CLYBL: variants seen among roughly 807,000 people sequenced by gnomAD.
CLYBL encodes citramalyl-CoA lyase.
In CLYBL, 31 loss-of-function variants were observed where a neutral mutation model predicts 38.9. That is an observed-to-expected ratio of 0.80 (90% CI 0.60 to 1.08). The LOEUF (loss-of-function observed/expected upper bound fraction) is 1.08. Among genes scored for constraint, CLYBL ranks in the 50% least tolerant of loss-of-function variants. CLYBL has a pLI of 0.00. For synonymous variants in CLYBL, 171 were observed against 158.6 expected (o/e 1.08, Z -0.59); for missense variants, 434 against 411.6 (o/e 1.05, Z -0.47).
At chr13:99,715,926 T>C (rs139176029) in intron 1 of CLYBL, among the ~76,000 whole-genome samples, 44 of 152,270 alleles carry the variant, frequency 2.9e-4, no homozygotes, top group African/African-American at 9.9e-4. Context: ...TGTGGATTTA[T>C]ACTCCTCCCC....
chr13:99,737,146 A>T (rs1316976933), intron 1 of CLYBL, among the ~76,000 whole-genome samples: 1 of 134,556 alleles, frequency 7.4e-6, no homozygotes, highest in South Asian at 2.3e-4. Flanking sequence ...GAGAGTTGAT[A>T]CAAATCCATC....
intron 2 of CLYBL, among the ~76,000 whole-genome samples, chr13:99,821,355 G>C (rs1023584842): frequency 6.6e-6 from 1 of 152,150 alleles, no homozygotes; most frequent in Admixed American, 6.5e-5. Flanking sequence ...AACCGTGCCT[G>C]GCATTTAGTT....
intron 2 of CLYBL, among the ~76,000 whole-genome samples, chr13:99,793,784 T>C (rs2049966654): frequency 6.6e-6 from 1 of 151,728 alleles, no homozygotes; most frequent in Non-Finnish European, 1.5e-5. Flanking sequence ...AGGAATCCAA[T>C]TAAGTAAGAC....
chr13:99,707,609 G>T (rs2048166207), intron 1 of CLYBL, among the ~76,000 whole-genome samples: 1 of 152,078 alleles, frequency 6.6e-6, no homozygotes, highest in Non-Finnish European at 1.5e-5. Flanking sequence ...ACAATGATAT[G>T]TTTTATAATA....
chr13:99,680,612 C>T (rs1755767823), intron 1 of CLYBL, among the ~76,000 whole-genome samples: 1 of 152,184 alleles, frequency 6.6e-6, no homozygotes, highest in African/African-American at 2.4e-5. Flanking sequence ...TGTTTTATAC[C>T]TAAGTGAGAC....
At position 99,620,836 on chromosome 13, in the gene CLYBL, GAAAA is replaced by G. The variant is rs367809646; in HGVS notation, c.62+14081_62+14084del. ...AGAGAGAGAGAGAGAAAGAAAGAAA[GAAAA>G]AGAAAGAAAGAAAAAAGAAAGAAAA... On this transcript the variant is annotated intron_variant, in intron 1 of 8. Coordinates refer to ENST00000339105, the MANE Select transcript of CLYBL (RefSeq NM_206808.5). Among the ~76,000 whole-genome samples the G allele has an allele frequency of 2.6e-5, 3 of 117,378 alleles. No individual in the cohort carries two copies. In the South Asian group the frequency reaches 6.7e-4, roughly 26 times the overall value. 77.0% of individuals were successfully genotyped at this position (117,378 alleles called of 152,430 possible). A position where few individuals can be genotyped will look rare whatever the true frequency, so the allele number is the denominator to read the frequency against.
At chr13:99,868,312 T>C (rs1469666245) in intron 6 of CLYBL, among the ~76,000 whole-genome samples, 1 of 152,222 alleles carries the variant, frequency 6.6e-6, no homozygotes, top group Non-Finnish European at 1.5e-5. Flanking sequence ...TAAATGTTTT[T>C]TAATGAGTAC....
chr13:99,637,219 C>A (rs905348179), intron 1 of CLYBL, among the ~76,000 whole-genome samples: 3 of 152,086 alleles, frequency 2.0e-5, no homozygotes, highest in Non-Finnish European at 4.4e-5. Context: ...TAGAGGCTAC[C>A]CAGTTTGCCA....
intron 1 of CLYBL, among the ~76,000 whole-genome samples, chr13:99,704,199 A>G (rs1387379542): frequency 6.6e-6 from 1 of 152,238 alleles, no homozygotes; most frequent in African/African-American, 2.4e-5. Context: ...CCAAGCCTTC[A>G]GATATCTTTT....
chr13:99,666,537 C>T (rs370957406), intron 1 of CLYBL, among the ~76,000 whole-genome samples: 3 of 152,002 alleles, frequency 2.0e-5, no homozygotes, highest in African/African-American at 4.8e-5. Context: ...ATTGTTATTT[C>T]GAGCCAGTCA....
intron 1 of CLYBL, among the ~76,000 whole-genome samples, chr13:99,753,859 C>T (rs955849525): frequency 3.3e-5 from 5 of 150,828 alleles, no homozygotes; most frequent in African/African-American, 4.9e-5. Context: ...GAGGCCGAGA[C>T]GGGCGGATCA....
intron 2 of CLYBL, among the ~76,000 whole-genome samples, chr13:99,854,228 A>G (rs2051401932): frequency 6.6e-6 from 1 of 152,092 alleles, no homozygotes. Context: ...ACAACTATAC[A>G]TTAACATTCA....
intron 2 of CLYBL, among the ~76,000 whole-genome samples, chr13:99,811,135 GC>G (rs1165613875): frequency 6.6e-6 from 1 of 152,128 alleles, no homozygotes; most frequent in African/African-American, 2.4e-5. Flanking sequence ...CCCAAAGCCA[GC>G]CAAGCAAGGT....
intron 1 of CLYBL, among the ~76,000 whole-genome samples, chr13:99,633,468 G>A (rs2046976920): frequency 6.6e-6 from 1 of 150,780 alleles, no homozygotes; most frequent in Non-Finnish European, 1.5e-5. Flanking sequence ...CTGGGAGGTG[G>A]AGGTTGCAGT....
intron 1 of CLYBL, among the ~76,000 whole-genome samples, chr13:99,675,970 C>T (rs540614452): frequency 6.6e-6 from 1 of 152,316 alleles, no homozygotes; most frequent in East Asian, 1.9e-4. Flanking sequence ...TCTTGTGCCT[C>T]AGCCCCCCAA....
chr13:99,650,480 C>G (rs973501630), intron 1 of CLYBL, among the ~76,000 whole-genome samples: 1 of 152,136 alleles, frequency 6.6e-6, no homozygotes, highest in African/African-American at 2.4e-5. Flanking sequence ...CCTCAGTTGC[C>G]CATCTACTTT....
chr13:99,701,368 T>C (rs1376321621), intron 1 of CLYBL, among the ~76,000 whole-genome samples: 1 of 152,158 alleles, frequency 6.6e-6, no homozygotes, highest in Admixed American at 6.5e-5. Flanking sequence ...TGGAGTGCAG[T>C]GGCGGGATCT....
Position 99,808,204 on chromosome 13 carries a change from GC to G in CLYBL, c.249+35196del, listed in dbSNP as rs543865257. Among the ~76,000 whole-genome samples, 290 of 152,264 alleles carry G rather than the reference GC, an allele frequency of 1.9e-3. 3 individuals carry two copies. Among genetic ancestry groups the G allele is most frequent in the African/African-American group, 6.8e-3 (282 of 41,542 alleles). ...GGGCTCAAGCAATTCTCCTGCCTCA[GC>G]CTCCTGAGTAGCTGGGACCACAGGC... On this transcript the variant is annotated intron_variant, in intron 2 of 8. Transcript: ENST00000339105.
chr13:99,627,050 A>G (rs2046880251), intron 1 of CLYBL, among the ~76,000 whole-genome samples: 1 of 151,616 alleles, frequency 6.6e-6, no homozygotes, highest in South Asian at 2.1e-4. Context: ...ATCTGAAAAA[A>G]AGTGCATAAA....
Sources: allele counts gnomAD v4.1 joint callset (sites outside exome capture counted in the v4.1 genomes callset), GRCh38; gene constraint gnomAD v4.1.1; transcripts MANE v1.5; gene names NCBI Gene and HGNC (gene_info 2026-07-23, HGNC 2026-07-21).